TTC7B: variants seen among roughly 807,000 people sequenced by gnomAD.
The protein encoded by TTC7B is tetratricopeptide repeat domain 7B.
In TTC7B, 28 loss-of-function variants were observed where a neutral mutation model predicts 106.8. The observed-to-expected ratio is 0.26, with a 90% CI of 0.19 to 0.36. The LOEUF (loss-of-function observed/expected upper bound fraction) is 0.36. Ranked by LOEUF, TTC7B falls within the 10% of genes least tolerant of loss-of-function variation. The probability of loss-of-function intolerance (pLI) is 1.00; values close to 1 mark genes in which losing one functional copy is unlikely to be tolerated. For missense variants in TTC7B, 862 were observed against 1,076.4 expected (o/e 0.80, Z 2.79); for synonymous variants, 405 against 430.6 (o/e 0.94, Z 0.74).
intron 16 of TTC7B, among the ~76,000 whole-genome samples, chr14:90,612,620 T>C (rs936774780): frequency 6.6e-6 from 1 of 152,174 alleles, no homozygotes; most frequent in African/African-American, 2.4e-5. Context: ...GGAGGTCACT[T>C]TGGGCAAGAC....
At chr14:90,688,635 A>C (rs1371587333) in intron 7 of TTC7B, among the ~76,000 whole-genome samples, 1 of 23,104 alleles carries the variant, frequency 4.3e-5, no homozygotes, top group African/African-American at 1.2e-4. Context: ...AAAAAAAAAA[A>C]AAAAAAAAAA....
chr14:90,687,857 TG>T (rs1299696640), intron 7 of TTC7B, among the ~76,000 whole-genome samples: 1 of 152,136 alleles, frequency 6.6e-6, no homozygotes, highest in Non-Finnish European at 1.5e-5. Context: ...TCTGAATCCA[TG>T]TAAGAAACAC....
Position 90,535,457 on chromosome 14 carries a change from G to C in TTC7B, c.*5911C>G, listed in dbSNP as rs1404496794. ...GGGGTACCCAGGCCTCTGCCTCCCT[G>C]CTGCTGCTGCTCTGGGGAACCACCA... On this transcript the variant is annotated 3_prime_UTR_variant, in exon 20 of 20. Transcript: ENST00000328459. The C allele has an allele frequency of 6.6e-6, 1 of 152,332 alleles. No individual in the cohort carries two copies. Among genetic ancestry groups the C allele is most frequent in the Non-Finnish European group, 1.5e-5 (1 of 68,422 alleles). The allele number at this position is 152,332 out of a possible 1,614,324, so 9.4% of individuals were successfully genotyped here. A position where few individuals can be genotyped will look rare whatever the true frequency, so the allele number is the denominator to read the frequency against.
At chr14:90,607,652 G>A (rs752978161) in intron 17 of TTC7B, among the ~76,000 whole-genome samples, 18 of 152,332 alleles carry the variant, frequency 1.2e-4, no homozygotes, top group Non-Finnish European at 2.6e-4. Context: ...CAAAGGCAAA[G>A]GGAGGAAAAA....
intron 5 of TTC7B, among the ~76,000 whole-genome samples, chr14:90,722,057 G>T (rs988302437): frequency 1.3e-5 from 2 of 152,198 alleles, no homozygotes; most frequent in Admixed American, 1.3e-4. Context: ...TGACTCATAT[G>T]AAGAGCGTGG....
chr14:90,636,981 A>C (rs1482828625), intron 15 of TTC7B, among the ~76,000 whole-genome samples: 5 of 151,416 alleles, frequency 3.3e-5, no homozygotes, highest in Non-Finnish European at 4.4e-5. Context: ...AAAAAAAAAA[A>C]CCCAAAATAC....
intron 7 of TTC7B, among the ~76,000 whole-genome samples, chr14:90,685,206 C>T (rs1301084106): frequency 2.0e-5 from 3 of 152,186 alleles, no homozygotes; most frequent in Admixed American, 6.5e-5. Context: ...TTGCTTGACA[C>T]TTATTATACT....
chr14:90,690,615 C>T (rs1277136915), intron 6 of TTC7B, among the ~76,000 whole-genome samples: 2 of 152,160 alleles, frequency 1.3e-5, no homozygotes, highest in African/African-American at 4.8e-5. Context: ...AAAAAAATCC[C>T]TCTGAAAAGA....
intron 19 of TTC7B, among the ~76,000 whole-genome samples, chr14:90,572,655 C>T (rs1595169362): frequency 6.6e-6 from 1 of 152,342 alleles, no homozygotes; most frequent in Admixed American, 6.5e-5. Flanking sequence ...CTTTAGCCTG[C>T]AGCCATCTTG....
rs117566353 is a variant in TTC7B, at chr14:90,726,161, C to A, written c.698+3914G>T. Reference sequence around the variant, plus strand: ...ACATGCCCAAATCAAGCTTCTCTGGCAATTCTGGCGGCAATGACTCAAGTA... The same window carrying A: ...ACATGCCCAAATCAAGCTTCTCTGGAAATTCTGGCGGCAATGACTCAAGTA... On this transcript the variant is annotated intron_variant, in intron 5 of 19. Coordinates refer to ENST00000328459, the MANE Select transcript of TTC7B (RefSeq NM_001010854.2). 4.5e-4 allele frequency among the ~76,000 whole-genome samples: 69 copies of A among 152,292 alleles called. No homozygotes were observed. The East Asian group carries it at 4.8e-3, about 11-fold the overall frequency.
intron 15 of TTC7B, among the ~76,000 whole-genome samples, chr14:90,620,579 T>C (rs1258527977): frequency 6.6e-6 from 1 of 152,020 alleles, no homozygotes; most frequent in Non-Finnish European, 1.5e-5. Context: ...TGGAGGACTG[T>C]GGGGGGTCCA....
chr14:90,771,714 GA>G (rs1004419338), intron 3 of TTC7B, among the ~76,000 whole-genome samples: 21 of 151,534 alleles, frequency 1.4e-4, no homozygotes, highest in African/African-American at 4.6e-4. Context: ...CACACAGAAT[GA>G]AAAAAGAATA....
chr14:90,717,463 C>T (rs1458179027), intron 5 of TTC7B, among the ~76,000 whole-genome samples: 1 of 152,134 alleles, frequency 6.6e-6, no homozygotes, highest in Non-Finnish European at 1.5e-5. Context: ...AGGTCTATGG[C>T]AGACATTGCC....
chr14:90,658,471 ACT>A, intron 9 of TTC7B, 84 bp from the exon 10 acceptor site: 3 of 1,293,146 alleles, frequency 2.3e-6, no homozygotes, highest in South Asian at 1.2e-5. Context: ...ATCTATGCAC[ACT>A]AAGGTAAGTC....
chr14:90,660,348 G>A (rs1300773037), intron 9 of TTC7B, among the ~76,000 whole-genome samples: 13 of 121,602 alleles, frequency 1.1e-4, no homozygotes, highest in East Asian at 2.6e-4. Context: ...TGTGATCGTC[G>A]TACCACTGCA....
Position 90,744,851 on chromosome 14 carries a change from T to C in TTC7B, c.517A>G (p.Ile173Val). The C allele has an allele frequency of 6.2e-7, 1 of 1,614,034 alleles. No homozygotes were observed. Among genetic ancestry groups the C allele is most frequent in the Non-Finnish European group, 8.5e-7 (1 of 1,179,888 alleles). The change falls in exon 4 of 20, where the codon ATC becomes GTC. Residue 173 changes from isoleucine to valine, a missense_variant. Physicochemically the swap from Ile to Val is conservative, Grantham distance 29. Transcript: ENST00000328459. ...NLHVDREQDVITCYEKAGDIA... is the reference protein window; with the variant it reads ...NLHVDREQDVVTCYEKAGDIA... ...TCCCCTGCTTTCTCATAACAGGTGA[T>C]GACATCCTGTTCCCGGTCCACATGG...
chr14:90,633,196 T>C (rs762188157), intron 15 of TTC7B, among the ~76,000 whole-genome samples: 1 of 152,250 alleles, frequency 6.6e-6, no homozygotes, highest in Non-Finnish European at 1.5e-5. Flanking sequence ...CACATACTTA[T>C]ATTAGTAATC....
chr14:90,682,643 C>T (rs1176691016), intron 7 of TTC7B, among the ~76,000 whole-genome samples: 2 of 152,144 alleles, frequency 1.3e-5, no homozygotes, highest in Non-Finnish European at 2.9e-5. Context: ...TACTGGGGTA[C>T]CCAGGCCTCA....
At chr14:90,634,293 T>G (rs978804925) in intron 15 of TTC7B, among the ~76,000 whole-genome samples, 3 of 152,136 alleles carry the variant, frequency 2.0e-5, no homozygotes, top group African/African-American at 7.2e-5. Context: ...TAAAAAATAA[T>G]TTTTCAACAA....
Sources: allele counts gnomAD v4.1 joint callset (sites outside exome capture counted in the v4.1 genomes callset), GRCh38; gene constraint gnomAD v4.1.1; transcripts MANE v1.5; gene names NCBI Gene and HGNC (gene_info 2026-07-23, HGNC 2026-07-21).